C12orf42: variants seen among roughly 807,000 people sequenced by gnomAD.
C12orf42 encodes the protein chromosome 12 open reading frame 42.
A neutral mutation model predicts 21.6 loss-of-function variants in C12orf42; 25 were observed. The observed-to-expected ratio is 1.16, with a 90% CI of 0.84 to 1.62. The LOEUF is 1.62. C12orf42 is among the 40% of genes most tolerant of loss of function. The probability of loss-of-function intolerance (pLI) is 0.00; values close to 1 mark genes in which losing one functional copy is unlikely to be tolerated. For synonymous variants in C12orf42, 174 were observed against 175.0 expected (o/e 0.99, Z 0.05); for missense variants, 483 against 459.3 (o/e 1.05, Z -0.47).
At chr12:103,509,730 T>C in the C12orf42 span, among the ~76,000 whole-genome samples, 1 of 152,178 alleles carries the variant, frequency 6.6e-6, no homozygotes, top group African/African-American at 2.4e-5. Context: ...TGTTATTACA[T>C]GCATGGGAAG....
At chr12:103,072,857 G>T in the C12orf42 span, among the ~76,000 whole-genome samples, 1 of 152,058 alleles carries the variant, frequency 6.6e-6, no homozygotes, top group Non-Finnish European at 1.5e-5. Flanking sequence ...AAATTGTTCT[G>T]TTATAAAAAC....
intron 3 of C12orf42, among the ~76,000 whole-genome samples, chr12:103,391,699 T>C (rs1428385795): frequency 2.7e-5 from 4 of 150,924 alleles, no homozygotes; most frequent in Admixed American, 6.6e-5. Flanking sequence ...TATAATTATA[T>C]ATATAATAGT....
chr12:103,232,251 G>C, the C12orf42 span, among the ~76,000 whole-genome samples: 9 of 152,032 alleles, frequency 5.9e-5, no homozygotes, highest in Non-Finnish European at 1.0e-4. Flanking sequence ...CCAGTTTGTG[G>C]CTTCTCTTTT....
downstream of C12orf42, among the ~76,000 whole-genome samples, chr12:103,298,784 G>A (rs1438003632): frequency 6.6e-6 from 1 of 152,094 alleles, no homozygotes; most frequent in African/African-American, 2.4e-5. Flanking sequence ...TCTGATTTTG[G>A]TCAGTTCCAA....
chr12:103,475,200 T>C (rs1269079102), intron 2 of C12orf42, among the ~76,000 whole-genome samples: 1 of 152,222 alleles, frequency 6.6e-6, no homozygotes, highest in Non-Finnish European at 1.5e-5. Flanking sequence ...CAGCAGGCTT[T>C]TGCCGCGGCT....
chr12:103,070,515 TACAC>T, the C12orf42 span, among the ~76,000 whole-genome samples: 2,613 of 119,958 alleles, frequency 0.022, 70 homozygotes, highest in African/African-American at 0.062. Flanking sequence ...TACATACACA[TACAC>T]ACACACACAC....
rs540571979 is a variant in C12orf42, at chr12:103,408,896, T to G, written c.79-7221A>C. ...CAGGAGATGAACAAGTTATATTTGA[T>G]GTATCCAAACATTAGCAATTTCATT... On this transcript the variant is annotated intron_variant, in intron 2 of 5. Coordinates refer to ENST00000548883, the MANE Select transcript of C12orf42 (RefSeq NM_198521.5). Among the ~76,000 whole-genome samples the G allele has an allele frequency of 5.3e-5, 8 of 152,352 alleles. No homozygotes were observed. The South Asian group carries it at 1.0e-3, about 20-fold the overall frequency.
the C12orf42 span, among the ~76,000 whole-genome samples, chr12:103,215,731 A>G: frequency 6.6e-6 from 1 of 152,212 alleles, no homozygotes; most frequent in Non-Finnish European, 1.5e-5. Context: ...ACCTAGCTCT[A>G]TCCATAGCAA....
the C12orf42 span, among the ~76,000 whole-genome samples, chr12:103,116,381 A>AAAAAAATAT: frequency 2.9e-5 from 4 of 136,710 alleles, no homozygotes; most frequent in African/African-American, 8.2e-5. Context: ...AAAAAAAAAA[A>AAAAAAATAT]ATATATATAT....
chr12:103,162,178 T>A, the C12orf42 span, among the ~76,000 whole-genome samples: 4 of 152,308 alleles, frequency 2.6e-5, no homozygotes, highest in African/African-American at 9.6e-5. Flanking sequence ...CCTATGTCCC[T>A]TGAGAGTGAA....
chr12:103,057,912 C>A, the C12orf42 span, among the ~76,000 whole-genome samples: 2 of 151,894 alleles, frequency 1.3e-5, no homozygotes, highest in East Asian at 1.9e-4. Flanking sequence ...GGAAATGGTA[C>A]CTCATTGTAG....
intron 2 of C12orf42, among the ~76,000 whole-genome samples, chr12:103,417,242 C>T (rs2049436269): frequency 6.6e-6 from 1 of 152,184 alleles, no homozygotes; most frequent in African/African-American, 2.4e-5. Context: ...AGTTTGTATG[C>T]TGTAAGTGAT....
the C12orf42 span, among the ~76,000 whole-genome samples, chr12:103,061,249 G>A: frequency 6.6e-6 from 1 of 152,194 alleles, no homozygotes; most frequent in Non-Finnish European, 1.5e-5. Context: ...GGTGTTGAAA[G>A]TCTTAACTTC....
At chr12:103,557,216 T>G in the C12orf42 span, among the ~76,000 whole-genome samples, 1 of 152,102 alleles carries the variant, frequency 6.6e-6, no homozygotes, top group Non-Finnish European at 1.5e-5. Flanking sequence ...AGGAAGAAAG[T>G]TTGAGCTCAT....
chr12:103,397,920 G>A lies in C12orf42; in HGVS notation c.147+3687C>T, dbSNP rs147353787. 1.5e-4 allele frequency among the ~76,000 whole-genome samples: 23 copies of A among 152,266 alleles called. 1 individual carries two copies. The East Asian group carries it at 4.0e-3, about 27-fold the overall frequency. ...TCGAAGTAGCCAGAAGAAAGGACCT[G>A]AAATGATCCCAACACATAGAAATGA... is the stretch of plus-strand genomic sequence containing the variant. On this transcript the variant is annotated intron_variant, in intron 3 of 5. Coordinates refer to ENST00000548883, the MANE Select transcript of C12orf42 (RefSeq NM_198521.5).
At chr12:103,484,179 T>G (rs530307123) in intron 1 of C12orf42, among the ~76,000 whole-genome samples, 1 of 152,374 alleles carries the variant, frequency 6.6e-6, no homozygotes, top group African/African-American at 2.4e-5. Flanking sequence ...ATATACCCAG[T>G]AATGGGATTG....
At chr12:103,418,482 T>C (rs1425051256) in intron 2 of C12orf42, among the ~76,000 whole-genome samples, 2 of 152,202 alleles carry the variant, frequency 1.3e-5, no homozygotes, top group African/African-American at 2.4e-5. Flanking sequence ...TCTATCTTTG[T>C]ATTCCTGGAA....
At chr12:103,505,811 A>G in the C12orf42 span, among the ~76,000 whole-genome samples, 1 of 152,164 alleles carries the variant, frequency 6.6e-6, no homozygotes, top group Non-Finnish European at 1.5e-5. Flanking sequence ...GCTTGGACAC[A>G]CCATGTTACA....
downstream of C12orf42, chr12:103,301,930 A>G (rs2037676989): frequency 2.8e-6 from 2 of 702,294 alleles, no homozygotes; most frequent in Non-Finnish European, 2.3e-6. Flanking sequence ...GATGCTTCAA[A>G]AGGAACATTT....
Sources: gnomAD v4.1 joint callset for allele counts (sites outside exome capture counted in the v4.1 genomes callset) on GRCh38, gnomAD v4.1.1 for gene constraint, MANE v1.5 for transcripts, NCBI Gene and HGNC (gene_info 2026-07-23, HGNC 2026-07-21) for gene names.